The following MBP variants were observed in gnomAD, a reference collection of about 807,000 sequenced individuals.
MBP encodes myelin basic protein.
In MBP, 16 loss-of-function variants were observed where a neutral mutation model predicts 35.8. That is an observed-to-expected ratio of 0.45 (90% CI 0.30 to 0.68). The LOEUF is 0.68. Among genes scored for constraint, MBP ranks in the 30% least tolerant of loss-of-function variants. The pLI, the probability that MBP is intolerant of heterozygous loss-of-function variation, is 0.08. For missense variants in MBP, 380 were observed against 404.7 expected (o/e 0.94, Z 0.52); for synonymous variants, 143 against 159.6 (o/e 0.90, Z 0.78).
chr18:76,988,244 G>C lies in MBP; in HGVS notation c.750+251C>G. ...CACGTCGCCTGGGAACCCTCTGGGA[G>C]AAGAGGATCTGGCCTTGCAGGGCTG... On this transcript the variant is annotated intron_variant, in intron 7 of 8. Coordinates refer to ENST00000355994, the MANE Select transcript of MBP (RefSeq NM_001025101.2). The surrounding 1 kb of genome is among the most constrained non-coding windows in gnomAD (Gnocchi z 5.2). The C allele has an allele frequency of 1.9e-6, 3 of 1,550,172 alleles. No homozygotes were observed. Among genetic ancestry groups the C allele is most frequent in the Non-Finnish European group, 2.6e-6 (3 of 1,147,020 alleles).
chr18:77,079,580 ATAT>A (rs1974807748), intron 2 of MBP, among the ~76,000 whole-genome samples: 1 of 152,212 alleles, frequency 6.6e-6, no homozygotes, highest in Non-Finnish European at 1.5e-5. Flanking sequence ...AGAATAATAA[ATAT>A]TATAATAGCA....
intron 3 of MBP, among the ~76,000 whole-genome samples, chr18:77,034,916 C>T (rs371727868): frequency 4.3e-4 from 65 of 152,284 alleles, no homozygotes; most frequent in South Asian, 1.9e-3. Context: ...TCCTGAAGCC[C>T]GGGTGTGCTG....
chr18:77,059,762 TA>T (rs1269794863), intron 3 of MBP, among the ~76,000 whole-genome samples: 24 of 152,134 alleles, frequency 1.6e-4, no homozygotes, highest in African/African-American at 5.8e-4. Context: ...CCAGCACAGA[TA>T]AGAGATGCAC....
chr18:77,090,755 C>T (rs1975481623), intron 2 of MBP, among the ~76,000 whole-genome samples: 1 of 152,240 alleles, frequency 6.6e-6, no homozygotes, highest in African/African-American at 2.4e-5. Context: ...GCGGCGGACT[C>T]TCCTCTCTGA....
At chr18:77,069,550 G>A (rs888587509) in intron 2 of MBP, among the ~76,000 whole-genome samples, 1 of 152,196 alleles carries the variant, frequency 6.6e-6, no homozygotes, top group Non-Finnish European at 1.5e-5. Context: ...CATTGGCGTG[G>A]GAAGCCCTTC....
intron 3 of MBP, among the ~76,000 whole-genome samples, chr18:77,018,433 T>C (rs1971782053): frequency 9.4e-6 from 1 of 106,484 alleles, no homozygotes; most frequent in African/African-American, 3.0e-5. Context: ...TATCCACTCA[T>C]GCATGCATGC....
chr18:77,093,766 C>T (rs995504987), intron 2 of MBP, among the ~76,000 whole-genome samples: 11 of 152,172 alleles, frequency 7.2e-5, no homozygotes, highest in Non-Finnish European at 1.3e-4. Context: ...CACGGGCGGG[C>T]GCTGCAACTG....
At chr18:76,998,482 G>C (rs1009756354) in intron 4 of MBP, among the ~76,000 whole-genome samples, 3 of 152,156 alleles carry the variant, frequency 2.0e-5, no homozygotes. Flanking sequence ...AAGTGACCCA[G>C]GCTCCCCGGA....
intron 2 of MBP, among the ~76,000 whole-genome samples, chr18:77,090,139 C>T (rs757920149): frequency 5.9e-5 from 9 of 152,192 alleles, no homozygotes; most frequent in Admixed American, 6.5e-5. Context: ...CAGCCTTAAA[C>T]GAAGGTGTAA....
intron 2 of MBP, among the ~76,000 whole-genome samples, chr18:77,082,730 G>GACGAGGA (rs1975008009): frequency 1.3e-4 from 14 of 111,518 alleles, no homozygotes; most frequent in South Asian, 5.8e-4. Context: ...GGCTCAGAAG[G>GACGAGGA]ATGAGGAATC....
At chr18:77,124,667 A>C (rs1976993019) in intron 1 of MBP, among the ~76,000 whole-genome samples, 1 of 152,184 alleles carries the variant, frequency 6.6e-6, no homozygotes, top group Non-Finnish European at 1.5e-5. Flanking sequence ...AGGAGATAGG[A>C]GATAGGGCTT....
At chr18:77,065,696 C>G (rs1436507529) in intron 3 of MBP, 1 of 152,278 alleles carries the variant, frequency 6.6e-6, no homozygotes, top group African/African-American at 2.4e-5. Context: ...GATGCTCACA[C>G]AGGGCTGGAC....
chr18:77,002,238 T>G (rs1390180701), intron 4 of MBP, among the ~76,000 whole-genome samples: 1 of 152,212 alleles, frequency 6.6e-6, no homozygotes, highest in Non-Finnish European at 1.5e-5. Flanking sequence ...TCTCTCCACC[T>G]GGGCCTCCCA....
At chr18:77,026,061 C>A (rs1972210108) in intron 3 of MBP, among the ~76,000 whole-genome samples, 1 of 152,366 alleles carries the variant, frequency 6.6e-6, no homozygotes, top group African/African-American at 2.4e-5. Context: ...TGAGGCTGAG[C>A]CTGTTGCTCT....
chr18:77,118,670 C>CCA (rs1178025816), intron 1 of MBP, among the ~76,000 whole-genome samples: 29 of 139,052 alleles, frequency 2.1e-4, no homozygotes, highest in Middle Eastern at 4.4e-3. Flanking sequence ...ACACTACATA[C>CCA]CACACACACA....
At chr18:77,042,624 T>A (rs1568308945) in intron 3 of MBP, among the ~76,000 whole-genome samples, 1 of 152,134 alleles carries the variant, frequency 6.6e-6, no homozygotes, top group African/African-American at 2.4e-5. Flanking sequence ...TTATTTTAGG[T>A]CTTTTCTTGG....
intron 4 of MBP, chr18:77,010,248 T>G (rs907120102): frequency 2.9e-6 from 1 of 345,726 alleles, no homozygotes; most frequent in Admixed American, 4.6e-5. Flanking sequence ...TATCAAACAA[T>G]GGGACCAAGA....
chr18:76,986,001 T>C, intron 7 of MBP: 1 of 985,572 alleles, frequency 1.0e-6, no homozygotes, highest in Non-Finnish European at 1.2e-6. Context: ...GCTACTGTGC[T>C]GTCTTCTCGA....
intron 1 of MBP, among the ~76,000 whole-genome samples, chr18:77,121,301 C>T (rs1223056213): frequency 7.8e-6 from 1 of 127,670 alleles, no homozygotes; most frequent in Non-Finnish European, 1.6e-5. Context: ...CAGAGGGAGA[C>T]TGTGTCTCAA....
Sources: gnomAD v4.1 joint callset for allele counts (sites outside exome capture counted in the v4.1 genomes callset) on GRCh38, gnomAD v4.1.1 for gene constraint, Gnocchi (gnomAD v3.1) non-coding constraint, MANE v1.5 for transcripts, NCBI Gene and HGNC (gene_info 2026-07-23, HGNC 2026-07-21) for gene names.